The following LTBP1 variants were observed in gnomAD, a reference collection of about 807,000 sequenced individuals.
LTBP1 encodes latent-transforming growth factor beta-binding protein 1.
Under a neutral mutation model 207.6 loss-of-function variants are expected in LTBP1, and 129 were observed. That is an observed-to-expected ratio of 0.62 (90% CI 0.54 to 0.72). The LOEUF (loss-of-function observed/expected upper bound fraction) is 0.72. LTBP1 is among the 30% of genes least tolerant of loss of function. The pLI is 0.00. For synonymous variants in LTBP1, 963 were observed against 833.7 expected, an observed-to-expected ratio of 1.16 and a Z score of -2.67; for missense variants, 2,281 against 2,217.2, an observed-to-expected ratio of 1.03 and a Z score of -0.58.
intron 2 of LTBP1, among the ~76,000 whole-genome samples, chr2:32,950,814 G>C (rs1676990314): frequency 6.6e-6 from 1 of 152,194 alleles, no homozygotes; most frequent in Non-Finnish European, 1.5e-5. Flanking sequence ...AGTTTGCTTG[G>C]CAAATGATGC....
intron 31 of LTBP1, among the ~76,000 whole-genome samples, chr2:33,381,143 C>T (rs772178648): frequency 1.3e-5 from 2 of 152,166 alleles, no homozygotes; most frequent in Non-Finnish European, 2.9e-5. Context: ...TTCCTGATTT[C>T]CTATGAAATT....
intron 7 of LTBP1, among the ~76,000 whole-genome samples, chr2:33,213,801 G>A (rs2090488860): frequency 6.6e-6 from 1 of 152,172 alleles, no homozygotes; most frequent in Non-Finnish European, 1.5e-5. Flanking sequence ...TGCAGACCCA[G>A]TTTCAAGACA....
intron 3 of LTBP1, among the ~76,000 whole-genome samples, chr2:33,066,293 C>T (rs1451051671): frequency 6.6e-6 from 1 of 152,136 alleles, no homozygotes; most frequent in Non-Finnish European, 1.5e-5. Flanking sequence ...CTGCTTTCTT[C>T]CTGTAATGGC....
At chr2:33,042,261 T>C (rs2076225817) in intron 3 of LTBP1, among the ~76,000 whole-genome samples, 1 of 152,236 alleles carries the variant, frequency 6.6e-6, no homozygotes, top group Admixed American at 6.5e-5. Context: ...AATTTGTTAA[T>C]TAGGTTTCAA....
chr2:33,004,307 G>A (rs945309408), intron 2 of LTBP1, among the ~76,000 whole-genome samples: 34 of 152,004 alleles, frequency 2.2e-4, no homozygotes, highest in Admixed American at 3.3e-4. Context: ...AGTGACTTAA[G>A]CTTTGGCCAC....
chr2:33,260,204 T>C (rs1210001797), intron 13 of LTBP1, among the ~76,000 whole-genome samples: 1 of 152,190 alleles, frequency 6.6e-6, no homozygotes, highest in Non-Finnish European at 1.5e-5. Flanking sequence ...TTACTGGATC[T>C]AAGTCCTATT....
rs1285525455 is a variant in LTBP1 at position 33,213,318 on chromosome 2, A to T, written c.1702-4234A>T. ...TCGTAAGACACATCCTGAAATGATA[A>T]GGCTTTCCATGTTAATGTAGTGAAT... is the stretch of plus-strand genomic sequence containing the variant. On this transcript the variant is annotated intron_variant, in intron 7 of 33. Coordinates refer to ENST00000404816, the MANE Select transcript of LTBP1 (RefSeq NM_206943.4). Among the ~76,000 whole-genome samples the T allele has an allele frequency of 2.0e-5, 3 of 152,226 alleles. No homozygotes were observed. The South Asian group carries it at 6.2e-4, about 31-fold the overall frequency.
chr2:33,239,029 A>G (rs776053353), intron 9 of LTBP1, among the ~76,000 whole-genome samples: 29 of 152,198 alleles, frequency 1.9e-4, no homozygotes, highest in Non-Finnish European at 4.0e-4. Flanking sequence ...CTGTTGTATT[A>G]GTTTGAACCA....
In LTBP1 at chr2:33,021,865, G is replaced by C. The variant is rs141081892; in HGVS notation, c.863+659G>C. 1.3e-5 allele frequency among the ~76,000 whole-genome samples: 2 copies of C among 152,042 alleles called. 1 individual carries two copies. The highest frequency in any genetic ancestry group is 3.9e-4 in the East Asian group (2 of 5,190). On this transcript the variant is annotated intron_variant, in intron 3 of 33. Transcript: ENST00000404816. Reference sequence around the variant, plus strand: ...GAACTCAGAGAAGAAAGATTACCCCGTTCTCTGAGTTGCATTACAAGCAGC... The same window carrying C: ...GAACTCAGAGAAGAAAGATTACCCCCTTCTCTGAGTTGCATTACAAGCAGC...
intron 2 of LTBP1, among the ~76,000 whole-genome samples, chr2:32,976,835 C>T (rs973133585): frequency 6.6e-6 from 1 of 152,210 alleles, no homozygotes; most frequent in African/African-American, 2.4e-5. Flanking sequence ...AGGGCTCCTC[C>T]CTGCTTGGGT....
intron 24 of LTBP1, among the ~76,000 whole-genome samples, chr2:33,337,650 G>A (rs947294392): frequency 4.6e-5 from 7 of 152,058 alleles, no homozygotes; most frequent in Admixed American, 1.3e-4. Context: ...GACAAATCAC[G>A]CCTGTAATCA....
At chr2:32,969,227 A>ATT (rs869147021) in intron 2 of LTBP1, among the ~76,000 whole-genome samples, 21 of 92,674 alleles carry the variant, frequency 2.3e-4, no homozygotes, top group Admixed American at 6.8e-4. Flanking sequence ...CACCTGGCCA[A>ATT]TTTGTGTGTG....
chr2:33,363,656 T>A (rs1210734257), intron 29 of LTBP1, 138 bp downstream of exon 29: 20 of 947,264 alleles, frequency 2.1e-5, no homozygotes, highest in Non-Finnish European at 2.8e-5. Flanking sequence ...AGGGATCTTT[T>A]TCTTAAGCAC....
intron 5 of LTBP1, among the ~76,000 whole-genome samples, chr2:33,166,912 A>G (rs1558739328): frequency 6.6e-6 from 1 of 152,138 alleles, no homozygotes; most frequent in Non-Finnish European, 1.5e-5. Context: ...AGAAACTCCA[A>G]AATTACCTCC....
intron 26 of LTBP1, among the ~76,000 whole-genome samples, chr2:33,356,926 G>A (rs551464889): frequency 6.6e-6 from 1 of 152,222 alleles, no homozygotes; most frequent in South Asian, 2.1e-4. Context: ...CGTTTCTTTG[G>A]GGGTAACTAT....
Position 33,212,630 on chromosome 2 carries a change from A to G in LTBP1, c.1702-4922A>G, listed in dbSNP as rs115412574. Among the ~76,000 whole-genome samples, 750 of 152,294 alleles carry G rather than the reference A, an allele frequency of 4.9e-3. 6 individuals carry two copies. The highest frequency in any genetic ancestry group is 0.017 in the African/African-American group (715 of 41,580). ...GCTCCTAGTGAAGTCAGCATCTTCCACTGTTAAGGAGCATTAACTGTTGAA... is the reference window on the plus strand; with the variant it reads ...GCTCCTAGTGAAGTCAGCATCTTCCGCTGTTAAGGAGCATTAACTGTTGAA... On this transcript the variant is annotated intron_variant, in intron 7 of 33. Transcript: ENST00000404816.
At chr2:33,008,835 G>A (rs4952280) in intron 2 of LTBP1, among the ~76,000 whole-genome samples, 72,632 of 152,018 alleles carry the variant, frequency 0.48, 18,172 homozygotes, top group East Asian at 0.96. Flanking sequence ...AGGCTGAGTG[G>A]TTTTAGGAAG....
chr2:33,110,796 A>C (rs760209675), intron 4 of LTBP1, 45 bp downstream of exon 4: 2 of 1,581,486 alleles, frequency 1.3e-6, no homozygotes, highest in East Asian at 4.5e-5. Flanking sequence ...ATGGTATCAG[A>C]GATTGGAAAC....
intron 29 of LTBP1, among the ~76,000 whole-genome samples, 153 bp downstream of exon 29, chr2:33,363,671 G>T (rs181400485): frequency 6.6e-6 from 1 of 152,142 alleles, no homozygotes; most frequent in Admixed American, 6.5e-5. Context: ...AAGCACAATT[G>T]AAGAAAATAA....
Sources: gnomAD v4.1 joint callset for allele counts (sites outside exome capture counted in the v4.1 genomes callset) on GRCh38, gnomAD v4.1.1 for gene constraint, MANE v1.5 for transcripts, NCBI Gene and HGNC (gene_info 2026-07-23, HGNC 2026-07-21) for gene names.